The following ERC2 variants were observed in gnomAD, a reference collection of about 807,000 sequenced individuals.
ERC2 encodes the protein ERC protein 2.
A neutral mutation model predicts 114.8 loss-of-function variants in ERC2; 42 were observed. The observed-to-expected ratio is 0.37, with a 90% CI of 0.29 to 0.47. The LOEUF (loss-of-function observed/expected upper bound fraction) is 0.47, where lower values mean the gene tolerates loss of function less well. ERC2 is among the 20% of genes least tolerant of loss of function. The pLI, the probability that ERC2 is intolerant of heterozygous loss-of-function variation, is 0.99. For synonymous variants in ERC2, 454 were observed against 425.5 expected (o/e 1.07, Z -0.82); for missense variants, 939 against 1,150.7 (o/e 0.82, Z 2.66).
At chr3:55,829,071 C>T (rs2060459075) in intron 14 of ERC2, among the ~76,000 whole-genome samples, 2 of 152,112 alleles carry the variant, frequency 1.3e-5, no homozygotes, top group South Asian at 4.1e-4. Context: ...GTTGAGGCTG[C>T]ACTGAGGCAT....
At chr3:55,584,601 G>C (rs968724100) in intron 17 of ERC2, among the ~76,000 whole-genome samples, 3 of 152,176 alleles carry the variant, frequency 2.0e-5, no homozygotes, top group Admixed American at 6.5e-5. Context: ...TGCTTGGAGA[G>C]GCCAGAGACT....
chr3:56,146,093 C>G (rs1274091992), intron 5 of ERC2, among the ~76,000 whole-genome samples: 1 of 152,008 alleles, frequency 6.6e-6, no homozygotes, highest in Non-Finnish European at 1.5e-5. Flanking sequence ...TTGAGACCAG[C>G]CTGACCAACA....
At chr3:55,926,415 T>TAA (rs3076615) in intron 13 of ERC2, among the ~76,000 whole-genome samples, 290 of 148,300 alleles carry the variant, frequency 2.0e-3, no homozygotes, top group African/African-American at 4.0e-3. Flanking sequence ...TTTTTGTTTT[T>TAA]AAAAAAAAAA....
At position 55,689,107 on chromosome 3, in the gene ERC2, G is replaced by T. The variant is rs72873528; in HGVS notation, c.2848-5248C>A. 9.8e-3 allele frequency among the ~76,000 whole-genome samples: 1,496 copies of T among 152,244 alleles called. 29 individuals are homozygous for T. The highest frequency in any genetic ancestry group is 0.034 in the African/African-American group (1,402 of 41,534). Reference sequence around the variant, plus strand: ...GGTACTGGAGAATCTGTGCAGCCTGGATTGGTTCTTCTCAGCAAGTTCACC... The same window carrying T: ...GGTACTGGAGAATCTGTGCAGCCTGTATTGGTTCTTCTCAGCAAGTTCACC... On this transcript the variant is annotated intron_variant, in intron 16 of 17. Coordinates refer to ENST00000288221, the MANE Select transcript of ERC2 (RefSeq NM_015576.3).
intron 17 of ERC2, among the ~76,000 whole-genome samples, chr3:55,575,897 C>T (rs377074432): frequency 1.2e-4 from 18 of 152,302 alleles, no homozygotes; most frequent in East Asian, 9.7e-4. Flanking sequence ...TAAACAAGCA[C>T]GTAGGTACTT....
chr3:55,594,422 A>G (rs2107616852), intron 17 of ERC2, among the ~76,000 whole-genome samples: 1 of 151,856 alleles, frequency 6.6e-6, no homozygotes, highest in East Asian at 2.0e-4. Context: ...AGAATCTCCT[A>G]GTGGCTGAAA....
chr3:56,090,892 T>C (rs2077753805), intron 6 of ERC2, among the ~76,000 whole-genome samples: 1 of 152,176 alleles, frequency 6.6e-6, no homozygotes, highest in Middle Eastern at 3.4e-3. Context: ...GGTGCCCAAA[T>C]TGTGATCTCT....
At chr3:55,515,602 T>C (rs1044165558) in intron 17 of ERC2, among the ~76,000 whole-genome samples, 2 of 151,622 alleles carry the variant, frequency 1.3e-5, no homozygotes, top group African/African-American at 4.8e-5. Flanking sequence ...TAAGAATGTA[T>C]AAATAGTATC....
intron 4 of ERC2, among the ~76,000 whole-genome samples, chr3:56,167,538 T>A (rs2082384065): frequency 1.3e-5 from 2 of 152,160 alleles, no homozygotes; most frequent in South Asian, 2.1e-4. Context: ...AACATTTGAC[T>A]TGACCATCAC....
intron 3 of ERC2, among the ~76,000 whole-genome samples, chr3:56,258,094 A>C (rs997578728): frequency 6.6e-6 from 1 of 152,234 alleles, no homozygotes; most frequent in African/African-American, 2.4e-5. Flanking sequence ...CTCTGGATGC[A>C]GCAGGACTAG....
chr3:55,787,460 G>T lies in ERC2; in HGVS notation c.2565-52542C>A, dbSNP rs181432844. 3.3e-5 allele frequency among the ~76,000 whole-genome samples: 5 copies of T among 152,160 alleles called. No individual in the cohort carries two copies. In the East Asian group the frequency reaches 9.7e-4, roughly 29 times the overall value. ...TATTTATTTATTAATACCTAGTAGGGTTGTTATGAAAAATATGTTGGTTAA... is the reference window on the plus strand; with the variant it reads ...TATTTATTTATTAATACCTAGTAGGTTTGTTATGAAAAATATGTTGGTTAA... On this transcript the variant is annotated intron_variant, in intron 14 of 17. Transcript: ENST00000288221.
At chr3:55,674,665 C>T (rs7621248) in intron 17 of ERC2, among the ~76,000 whole-genome samples, 16,194 of 152,136 alleles carry the variant, frequency 0.11, 1,110 homozygotes, top group East Asian at 0.3. Context: ...GGGAGTCTGC[C>T]TTTTTATTCT....
intron 17 of ERC2, among the ~76,000 whole-genome samples, chr3:55,582,115 G>T (rs929081993): frequency 6.6e-6 from 1 of 152,086 alleles, no homozygotes; most frequent in Admixed American, 6.6e-5. Context: ...TCAGGTCTCA[G>T]CTAAAACAAC....
chr3:56,203,076 AAGTTG>A (rs2048498462), intron 3 of ERC2, among the ~76,000 whole-genome samples: 1 of 152,228 alleles, frequency 6.6e-6, no homozygotes, highest in African/African-American at 2.4e-5. Context: ...GGTAAAAGAT[AAGTTG>A]GTATTGTACC....
chr3:56,148,367 C>T (rs2081253093), intron 5 of ERC2, among the ~76,000 whole-genome samples: 1 of 152,100 alleles, frequency 6.6e-6, no homozygotes, highest in African/African-American at 2.4e-5. Flanking sequence ...CTCACTGCAA[C>T]CTCTACCTCC....
intron 14 of ERC2, among the ~76,000 whole-genome samples, chr3:55,765,754 A>T (rs571451365): frequency 7.9e-5 from 12 of 152,334 alleles, no homozygotes; most frequent in African/African-American, 2.9e-4. Flanking sequence ...CGCAGACCAG[A>T]CTAAAAACCT....
intron 3 of ERC2, among the ~76,000 whole-genome samples, chr3:56,213,102 G>A (rs561856223): frequency 4.5e-4 from 68 of 152,254 alleles, no homozygotes; most frequent in African/African-American, 1.2e-3. Flanking sequence ...CGCAGAAGAC[G>A]GGTGGTTACT....
At chr3:55,575,847 G>A (rs372088111) in intron 17 of ERC2, among the ~76,000 whole-genome samples, 1 of 152,224 alleles carries the variant, frequency 6.6e-6, no homozygotes, top group Non-Finnish European at 1.5e-5. Flanking sequence ...GCCCTGGGCT[G>A]TGCATTAGAC....
chr3:55,929,337 G>A (rs1162982633), intron 13 of ERC2, among the ~76,000 whole-genome samples: 1 of 152,128 alleles, frequency 6.6e-6, no homozygotes, highest in East Asian at 1.9e-4. Flanking sequence ...GAAGTAAGGG[G>A]CTCTGAGCCA....
Sources: allele counts gnomAD v4.1 joint callset (sites outside exome capture counted in the v4.1 genomes callset), GRCh38; gene constraint gnomAD v4.1.1; transcripts MANE v1.5; gene names NCBI Gene and HGNC (gene_info 2026-07-23, HGNC 2026-07-21).